Variants in SCAND3 observed in about 807,000 individuals in gnomAD.
SCAND3 encodes the protein SCAN domain-containing protein 3.
the SCAND3 span, among the ~76,000 whole-genome samples, chr6:28,608,299 G>A: frequency 1.3e-5 from 2 of 152,132 alleles, no homozygotes; most frequent in Admixed American, 6.5e-5. Context: ...TCTATAAATA[G>A]TGTGGAGACC....
the SCAND3 span, chr6:28,573,764 T>C: frequency 5.0e-6 from 8 of 1,586,296 alleles, no homozygotes; most frequent in Non-Finnish European, 6.8e-6. Flanking sequence ...TTATTACTAC[T>C]ACTGTGTTCA....
the SCAND3 span, chr6:28,594,325 T>TCAAC: frequency 6.6e-6 from 1 of 152,188 alleles, no homozygotes; most frequent in African/African-American, 2.4e-5. Context: ...AGACATGGAA[T>TCAAC]CAACCTAAGT....
chr6:28,613,786 C>G, the SCAND3 span, among the ~76,000 whole-genome samples: 2 of 152,074 alleles, frequency 1.3e-5, no homozygotes, highest in Non-Finnish European at 2.9e-5. Flanking sequence ...ACTTTATACA[C>G]AGCAAAACAA....
chr6:28,597,041 A>G, the SCAND3 span, among the ~76,000 whole-genome samples: 1 of 152,226 alleles, frequency 6.6e-6, no homozygotes, highest in Non-Finnish European at 1.5e-5. Flanking sequence ...TGGAAACTCA[A>G]TGGAGAACAC....
At chr6:28,571,822 A>G in the SCAND3 span, 1 of 1,491,862 alleles carries the variant, frequency 6.7e-7, no homozygotes, top group East Asian at 2.4e-5. Flanking sequence ...AACTAGACAG[A>G]AAGTTTAAAG....
chr6:28,591,935 A>C, the SCAND3 span, among the ~76,000 whole-genome samples: 1 of 152,216 alleles, frequency 6.6e-6, no homozygotes, highest in African/African-American at 2.4e-5. Context: ...GGAAATTAAA[A>C]CAGACTTTAA....
the SCAND3 span, among the ~76,000 whole-genome samples, chr6:28,595,535 A>T: frequency 2.0e-5 from 3 of 152,078 alleles, no homozygotes; most frequent in East Asian, 5.8e-4. Context: ...CAGCCAGGCC[A>T]ACATGGCGAG....
the SCAND3 span, among the ~76,000 whole-genome samples, chr6:28,612,273 C>T: frequency 6.6e-6 from 1 of 151,940 alleles, no homozygotes; most frequent in Non-Finnish European, 1.5e-5. Context: ...TTCCTGAGCT[C>T]GTGATCTGCC....
chr6:28,586,583 A>C, the SCAND3 span: 2 of 1,614,224 alleles, frequency 1.2e-6, no homozygotes, highest in Non-Finnish European at 1.7e-6. This position sits in a 1 kb window ranked among gnomAD's most constrained non-coding sequence, Gnocchi z 4.4. Context: ...CCCTGGTATA[A>C]GACAAATTCC....
the SCAND3 span, chr6:28,573,847 T>A: frequency 6.7e-7 from 1 of 1,501,248 alleles, no homozygotes; most frequent in Non-Finnish European, 8.8e-7. Context: ...GGAATAAAAG[T>A]AAATAATATG....
the SCAND3 span, among the ~76,000 whole-genome samples, chr6:28,588,585 C>A: frequency 6.6e-6 from 1 of 152,132 alleles, no homozygotes; most frequent in Non-Finnish European, 1.5e-5. The surrounding 1 kb of genome is among the most constrained non-coding windows in gnomAD (Gnocchi z 4.1). Flanking sequence ...GTACCTCCAA[C>A]CTATTTTTAA....
At chr6:28,586,582 A>G in the SCAND3 span, 4 of 1,614,078 alleles carry the variant, frequency 2.5e-6, no homozygotes, top group Non-Finnish European at 3.4e-6. The surrounding 1 kb of genome is among the most constrained non-coding windows in gnomAD (Gnocchi z 4.4). Flanking sequence ...TCCCTGGTAT[A>G]AGACAAATTC....
the SCAND3 span, among the ~76,000 whole-genome samples, chr6:28,576,568 G>A: frequency 6.6e-6 from 1 of 151,808 alleles, no homozygotes; most frequent in African/African-American, 2.4e-5. Flanking sequence ...CAGGCCAGGG[G>A]GATACCATTT....
the SCAND3 span, among the ~76,000 whole-genome samples, chr6:28,612,279 C>T: frequency 6.6e-6 from 1 of 152,064 alleles, no homozygotes. Flanking sequence ...AGCTCGTGAT[C>T]TGCCTGCCTC....
At chr6:28,598,876 CAAAAAAAAAA>C in the SCAND3 span, among the ~76,000 whole-genome samples, 1 of 74,314 alleles carries the variant, frequency 1.3e-5, no homozygotes, top group African/African-American at 4.8e-5. Flanking sequence ...GACTATGTCT[CAAAAAAAAAA>C]AAAAAAAAGA....
At chr6:28,581,734 G>A in the SCAND3 span, among the ~76,000 whole-genome samples, 1 of 152,144 alleles carries the variant, frequency 6.6e-6, no homozygotes. Context: ...AGCTTCCCCA[G>A]GAACCTCCTC....
the SCAND3 span, among the ~76,000 whole-genome samples, chr6:28,594,841 A>T: frequency 9.2e-5 from 14 of 152,258 alleles, no homozygotes; most frequent in Admixed American, 9.2e-4. Context: ...TTGAACTCGT[A>T]GAAATAGAGA....
At chr6:28,573,543 T>A in the SCAND3 span, 4 of 1,613,326 alleles carry the variant, frequency 2.5e-6, no homozygotes, top group Non-Finnish European at 3.4e-6. Context: ...CTTTATGTTT[T>A]GAATATAAAT....
the SCAND3 span, among the ~76,000 whole-genome samples, chr6:28,588,274 C>A: frequency 6.6e-6 from 1 of 152,106 alleles, no homozygotes; most frequent in African/African-American, 2.4e-5. The surrounding 1 kb of genome is among the most constrained non-coding windows in gnomAD (Gnocchi z 4.1). Context: ...TGTTTCCCCC[C>A]CTAACTATCC....
Sources: gnomAD v4.1 joint callset for allele counts (sites outside exome capture counted in the v4.1 genomes callset) on GRCh38, gnomAD v4.1.1 for gene constraint, Gnocchi (gnomAD v3.1) non-coding constraint, MANE v1.5 for transcripts, NCBI Gene and HGNC (gene_info 2026-07-23, HGNC 2026-07-21) for gene names.